The following SLC30A9 variants were observed in gnomAD, a reference collection of about 807,000 sequenced individuals.
SLC30A9 encodes the protein proton-coupled zinc antiporter SLC30A9, mitochondrial.
Under a neutral mutation model 87.5 loss-of-function variants are expected in SLC30A9, and 58 were observed. The observed-to-expected ratio is 0.66, with a 90% CI of 0.54 to 0.82. The LOEUF is 0.82. Among genes scored for constraint, SLC30A9 ranks in the 40% least tolerant of loss-of-function variants. The pLI is 0.00. For synonymous variants in SLC30A9, 234 were observed against 233.0 expected (o/e 1.00, Z -0.04); for missense variants, 557 against 679.1 (o/e 0.82, Z 2.00).
chr4:42,025,260 T>C (rs756394055), intron 6 of SLC30A9, among the ~76,000 whole-genome samples: 4 of 152,262 alleles, frequency 2.6e-5, no homozygotes, highest in Non-Finnish European at 5.9e-5. Flanking sequence ...GTTCATGTGA[T>C]GGTGATGGTT....
At chr4:42,042,748 A>T (rs1716975052) in intron 8 of SLC30A9, among the ~76,000 whole-genome samples, 1 of 152,208 alleles carries the variant, frequency 6.6e-6, no homozygotes, top group South Asian at 2.1e-4. Flanking sequence ...TGCCTCCTCA[A>T]GTGGGTCCTT....
chr4:41,990,691 A>G lies in SLC30A9; in HGVS notation c.40A>G (p.Ser14Gly). The G allele has an allele frequency of 6.2e-7, 1 of 1,612,076 alleles. No individual in the cohort carries two copies. Among genetic ancestry groups the G allele is most frequent in the Non-Finnish European group, 8.5e-7 (1 of 1,179,188 alleles). The change falls in exon 1 of 18, where the codon AGC (serine) becomes GGC (glycine). Residue 14 changes from serine to glycine, a missense_variant. Physicochemically the swap from Ser to Gly is moderately conservative, Grantham distance 56 (BLOSUM62 0). Coordinates refer to ENST00000264451, the MANE Select transcript of SLC30A9 (RefSeq NM_006345.4). The part of the protein sequence containing the change: ...GLAAAAAHRC[S>G]WSSLCRLRLR... ...GGCCGCCGCCGCGGCCCACAGATGT[A>G]GCTGGTCCTCCCTGTGCCGGCTCCG...
intron 14 of SLC30A9, among the ~76,000 whole-genome samples, chr4:42,068,332 C>A (rs958734284): frequency 1.3e-5 from 2 of 152,086 alleles, no homozygotes; most frequent in African/African-American, 4.8e-5. Flanking sequence ...CAACCTCCAC[C>A]TCCCAGGTTC....
At chr4:42,036,597 T>C (rs367935558) in intron 7 of SLC30A9, among the ~76,000 whole-genome samples, 23 of 152,364 alleles carry the variant, frequency 1.5e-4, no homozygotes, top group African/African-American at 5.3e-4. Flanking sequence ...AGGCTACCTA[T>C]GCACATTTTC....
intron 6 of SLC30A9, chr4:42,029,986 T>C (rs975381229): frequency 2.2e-5 from 20 of 921,750 alleles, no homozygotes; most frequent in Admixed American, 1.6e-4. Flanking sequence ...CTGCAGCCTC[T>C]GCTTGTTGTA....
intron 2 of SLC30A9, among the ~76,000 whole-genome samples, chr4:42,007,791 T>C (rs934705960): frequency 2.8e-5 from 4 of 142,720 alleles, no homozygotes; most frequent in Non-Finnish European, 6.2e-5. Flanking sequence ...TTAACACAAC[T>C]ACTATCCTAC....
At chr4:41,991,035 C>G (rs1019501225) in intron 1 of SLC30A9, among the ~76,000 whole-genome samples, 1 of 152,280 alleles carries the variant, frequency 6.6e-6, no homozygotes, top group African/African-American at 2.4e-5. Flanking sequence ...CCGCTTTGTA[C>G]CAAACAAAAT....
At chr4:41,996,265 T>G (rs1490767334) in intron 1 of SLC30A9, among the ~76,000 whole-genome samples, 1 of 151,772 alleles carries the variant, frequency 6.6e-6, no homozygotes, top group African/African-American at 2.4e-5. Flanking sequence ...CTGGCTGATT[T>G]TTGTGTTTTT....
intron 11 of SLC30A9, 22 bp downstream of exon 11, chr4:42,063,143 CA>C: frequency 6.2e-7 from 1 of 1,609,728 alleles, no homozygotes; most frequent in African/African-American, 1.3e-5. Flanking sequence ...TTTTTCTCCT[CA>C]GTTTTGATGT....
At chr4:41,994,492 T>C (rs539579730) in intron 1 of SLC30A9, among the ~76,000 whole-genome samples, 1 of 151,576 alleles carries the variant, frequency 6.6e-6, no homozygotes, top group Non-Finnish European at 1.5e-5. Flanking sequence ...GTATACTAGA[T>C]GAACACTGAA....
At chr4:42,037,239 C>CTTTTTTTTTTTTTTT (rs536795831) in intron 7 of SLC30A9, among the ~76,000 whole-genome samples, 3 of 91,192 alleles carry the variant, frequency 3.3e-5, no homozygotes, top group African/African-American at 1.1e-4. Flanking sequence ...TAAATGCCTT[C>CTTTTTTTTTTTTTTT]TTTTTTTTTT....
At chr4:42,029,455 T>A (rs3827591) in intron 6 of SLC30A9, 470,424 of 654,436 alleles carry the variant, frequency 0.72, 176,644 homozygotes, top group East Asian at 0.97. Flanking sequence ...AACACAGATT[T>A]CTCAGATCCA....
intron 6 of SLC30A9, among the ~76,000 whole-genome samples, chr4:42,027,297 T>C (rs1411003858): frequency 6.6e-6 from 1 of 152,248 alleles, no homozygotes; most frequent in Non-Finnish European, 1.5e-5. Flanking sequence ...TGATCTTTTA[T>C]TTACATATTG....
intron 6 of SLC30A9, among the ~76,000 whole-genome samples, chr4:42,032,282 C>A (rs549558417): frequency 1.3e-5 from 2 of 152,164 alleles, no homozygotes; most frequent in South Asian, 4.2e-4. Flanking sequence ...GACACAGGTC[C>A]AAACCATGTC....
intron 7 of SLC30A9, among the ~76,000 whole-genome samples, chr4:42,038,751 G>A (rs1225447037): frequency 6.6e-6 from 1 of 152,222 alleles, no homozygotes; most frequent in Non-Finnish European, 1.5e-5. Context: ...CTTTCTGGAA[G>A]TAGGCAGGAC....
intron 1 of SLC30A9, among the ~76,000 whole-genome samples, chr4:41,994,890 G>T (rs949161842): frequency 6.6e-6 from 1 of 151,376 alleles, no homozygotes; most frequent in African/African-American, 2.4e-5. Flanking sequence ...AAAGAGGTTG[G>T]GGAGGAGGAG....
intron 9 of SLC30A9, among the ~76,000 whole-genome samples, chr4:42,059,702 A>C (rs1717766631): frequency 6.6e-6 from 1 of 152,126 alleles, no homozygotes; most frequent in Non-Finnish European, 1.5e-5. Flanking sequence ...AGAGATACAA[A>C]CATAGTTACT....
chr4:42,033,389 G>A (rs561209086), intron 6 of SLC30A9, among the ~76,000 whole-genome samples: 90 of 151,514 alleles, frequency 5.9e-4, no homozygotes, highest in Non-Finnish European at 9.6e-4. Flanking sequence ...CTATAATCCC[G>A]GGACTTTGGG....
At chr4:42,041,505 A>ACTTTG (rs1716922016) in intron 8 of SLC30A9, among the ~76,000 whole-genome samples, 1 of 152,194 alleles carries the variant, frequency 6.6e-6, no homozygotes, top group Non-Finnish European at 1.5e-5. Flanking sequence ...AGGCTGAAGC[A>ACTTTG]GGAGGATTAC....
Sources: allele counts gnomAD v4.1 joint callset (sites outside exome capture counted in the v4.1 genomes callset), GRCh38; gene constraint gnomAD v4.1.1; transcripts MANE v1.5; gene names NCBI Gene and HGNC (gene_info 2026-07-23, HGNC 2026-07-21).